NRG3: variants seen among roughly 807,000 people sequenced by gnomAD.
NRG3 encodes the protein pro-neuregulin-3, membrane-bound isoform.
In NRG3, 31 loss-of-function variants were observed where a neutral mutation model predicts 66.9. That is an observed-to-expected ratio of 0.46 (90% CI 0.35 to 0.63). NRG3 has a LOEUF of 0.63. Among genes scored for constraint, NRG3 ranks in the 20% least tolerant of loss-of-function variants. The pLI, the probability that NRG3 is intolerant of heterozygous loss-of-function variation, is 0.00. For synonymous variants in NRG3, 393 were observed against 359.4 expected (o/e 1.09, Z -1.06); for missense variants, 910 against 878.9 (o/e 1.04, Z -0.45).
chr10:82,200,089 G>A (rs2133467071), intron 1 of NRG3, among the ~76,000 whole-genome samples: 1 of 152,158 alleles, frequency 6.6e-6, no homozygotes, highest in East Asian at 1.9e-4. Context: ...TTTTTATTGA[G>A]CACCTCCTTA....
chr10:82,089,232 A>G (rs2065893606), intron 1 of NRG3, among the ~76,000 whole-genome samples: 1 of 151,656 alleles, frequency 6.6e-6, no homozygotes, highest in African/African-American at 2.4e-5. Flanking sequence ...GTAGCAAATT[A>G]GCATTTAAAA....
intron 2 of NRG3, among the ~76,000 whole-genome samples, chr10:82,735,332 T>C (rs1163890158): frequency 1.3e-5 from 2 of 152,182 alleles, no homozygotes; most frequent in Non-Finnish European, 2.9e-5. Context: ...ATATAATTTC[T>C]GTGATGCCAG....
chr10:82,469,696 G>A (rs943453168), intron 2 of NRG3, among the ~76,000 whole-genome samples: 2 of 152,164 alleles, frequency 1.3e-5, no homozygotes, highest in Non-Finnish European at 2.9e-5. Flanking sequence ...TGGCCTTGCC[G>A]AAGATTTCTG....
chr10:82,349,218 G>T (rs1024617371), intron 1 of NRG3, among the ~76,000 whole-genome samples: 1 of 150,934 alleles, frequency 6.6e-6, no homozygotes, highest in African/African-American at 2.4e-5. Context: ...GGTCTTTGAT[G>T]ATGGTGATGT....
At chr10:82,422,142 A>C (rs1000569678) in intron 2 of NRG3, among the ~76,000 whole-genome samples, 1 of 152,034 alleles carries the variant, frequency 6.6e-6, no homozygotes, top group African/African-American at 2.4e-5. Flanking sequence ...AGCTTTGTGG[A>C]TGTGGTTGTT....
chr10:82,249,466 T>C (rs190595167), intron 1 of NRG3, among the ~76,000 whole-genome samples: 1,593 of 152,342 alleles, frequency 0.01, 29 homozygotes, highest in African/African-American at 0.037. Flanking sequence ...AGATGTTGTT[T>C]ATACACTGAA....
Position 82,110,550 on chromosome 10 carries a change from C to T in NRG3, c.823+234387C>T, listed in dbSNP as rs915198757. ...ACGAGGCTATTCCATGAAATGATGG[C>T]TTGGACCAAAGTGGTAAAGGTGTCA... is the stretch of plus-strand genomic sequence containing the variant. On this transcript the variant is annotated intron_variant, in intron 1 of 8. Coordinates refer to ENST00000372141, the MANE Select transcript of NRG3 (RefSeq NM_001010848.4). Among the ~76,000 whole-genome samples, 6 of 151,994 alleles carry T rather than the reference C, an allele frequency of 3.9e-5. No homozygotes were observed. The East Asian group carries it at 1.2e-3, about 29-fold the overall frequency.
chr10:82,690,724 A>C (rs1457329282), intron 2 of NRG3, among the ~76,000 whole-genome samples: 1 of 152,228 alleles, frequency 6.6e-6, no homozygotes, highest in Non-Finnish European at 1.5e-5. Context: ...ACATCAATCC[A>C]GAACAAAAAT....
intron 3 of NRG3, among the ~76,000 whole-genome samples, chr10:82,799,526 C>CAA (rs67074946): frequency 0.38 from 41,873 of 109,218 alleles, 7,034 homozygotes; most frequent in African/African-American, 0.41. Flanking sequence ...AATTCCGTCT[C>CAA]AAAAAAAAAA....
At chr10:82,424,901 C>T (rs138723321) in intron 2 of NRG3, among the ~76,000 whole-genome samples, 270 of 151,944 alleles carry the variant, frequency 1.8e-3, no homozygotes, top group African/African-American at 6.1e-3. Context: ...AAATTCTTTC[C>T]TCCACTGAAT....
At chr10:82,608,213 G>GT (rs1451934895) in intron 2 of NRG3, among the ~76,000 whole-genome samples, 10 of 152,126 alleles carry the variant, frequency 6.6e-5, no homozygotes, top group African/African-American at 1.7e-4. Flanking sequence ...AGCTTGGTGG[G>GT]TTTTTTGTTT....
chr10:82,360,670 G>T (rs1004809484), intron 2 of NRG3, among the ~76,000 whole-genome samples: 4 of 152,196 alleles, frequency 2.6e-5, no homozygotes, highest in Non-Finnish European at 5.9e-5. Flanking sequence ...AAGTGCTACA[G>T]ACTGGGTGGC....
intron 2 of NRG3, among the ~76,000 whole-genome samples, chr10:82,727,430 G>C (rs896212260): frequency 5.3e-5 from 8 of 152,222 alleles, no homozygotes; most frequent in African/African-American, 1.9e-4. Flanking sequence ...TGACTAAAAG[G>C]GGCCAAGGTA....
chr10:82,114,729 A>G (rs2067597242), intron 1 of NRG3, among the ~76,000 whole-genome samples: 1 of 152,138 alleles, frequency 6.6e-6, no homozygotes, highest in Non-Finnish European at 1.5e-5. Flanking sequence ...CTGCTTAAAC[A>G]AGATTGCTTC....
intron 1 of NRG3, among the ~76,000 whole-genome samples, chr10:82,035,671 G>A (rs2062763348): frequency 6.6e-6 from 1 of 152,058 alleles, no homozygotes; most frequent in Non-Finnish European, 1.5e-5. Flanking sequence ...ATAAAAAATA[G>A]CCTCATAGGG....
rs562289744 is a variant in NRG3 at position 82,714,448 on chromosome 10, C to T, written c.954-24129C>T. ...CAGAACTACCCATACCTCATGCTTCCGTGTCATTTTCCTTTGCATTTATTT... is the reference window on the plus strand; with the variant it reads ...CAGAACTACCCATACCTCATGCTTCTGTGTCATTTTCCTTTGCATTTATTT... On this transcript the variant is annotated intron_variant, in intron 2 of 8. Coordinates refer to ENST00000372141, the MANE Select transcript of NRG3 (RefSeq NM_001010848.4). Among the ~76,000 whole-genome samples the T allele has an allele frequency of 3.9e-5, 6 of 152,278 alleles. No homozygotes were observed. The East Asian group carries it at 7.7e-4, about 20-fold the overall frequency.
At chr10:82,098,007 T>A (rs943291096) in intron 1 of NRG3, among the ~76,000 whole-genome samples, 1 of 151,536 alleles carries the variant, frequency 6.6e-6, no homozygotes, top group African/African-American at 2.4e-5. Flanking sequence ...GAGAAGGATC[T>A]GAGACCTTAT....
chr10:82,263,987 T>G (rs1305162518), intron 1 of NRG3, among the ~76,000 whole-genome samples: 1 of 152,190 alleles, frequency 6.6e-6, no homozygotes, highest in African/African-American at 2.4e-5. Flanking sequence ...TTTATTTTTT[T>G]GTTGTTGTTA....
At chr10:82,339,176 A>G (rs902342883) in intron 1 of NRG3, among the ~76,000 whole-genome samples, 1 of 152,228 alleles carries the variant, frequency 6.6e-6, no homozygotes, top group Non-Finnish European at 1.5e-5. Flanking sequence ...GACTGAATAC[A>G]TTCTAGTTGC....
Sources: allele counts gnomAD v4.1 joint callset (sites outside exome capture counted in the v4.1 genomes callset), GRCh38; gene constraint gnomAD v4.1.1; transcripts MANE v1.5; gene names NCBI Gene and HGNC (gene_info 2026-07-23, HGNC 2026-07-21).